Variants in EMC3 observed in about 807,000 individuals in gnomAD.
The protein encoded by EMC3 is 30 kDa protein.
EMC3 carries 13 observed loss-of-function variants against 36.6 expected under a neutral mutation model. The ratio of observed to expected loss-of-function variants is 0.35; its 90% CI spans 0.23 to 0.56. The LOEUF (loss-of-function observed/expected upper bound fraction) is 0.56. EMC3 is among the 20% of genes least tolerant of loss of function. The probability of loss-of-function intolerance (pLI) is 0.84; values close to 1 mark genes in which losing one functional copy is unlikely to be tolerated. For synonymous variants in EMC3, 120 were observed against 111.9 expected (o/e 1.07, Z -0.46); for missense variants, 220 against 324.5 (o/e 0.68, Z 2.47).
chr3:9,976,701 C>T (rs2085853602), intron 3 of EMC3, among the ~76,000 whole-genome samples: 1 of 152,146 alleles, frequency 6.6e-6, no homozygotes, highest in Non-Finnish European at 1.5e-5. Context: ...GGGACAATAG[C>T]TCTGGCCTCC....
intron 1 of EMC3, chr3:10,008,411 G>C: frequency 7.3e-7 from 1 of 1,367,626 alleles, no homozygotes; most frequent in Non-Finnish European, 9.8e-7. Context: ...TACCTGGGCC[G>C]GCATGCAGGC....
intron 5 of EMC3, 150 bp downstream of exon 5, chr3:9,973,478 G>C (rs1040132531): frequency 1.5e-6 from 1 of 654,098 alleles, no homozygotes; most frequent in African/African-American, 1.8e-5. Context: ...ACAGTCGTGA[G>C]CCACTGCGCC....
At chr3:9,980,528 G>A (rs1024911575) in intron 1 of EMC3, among the ~76,000 whole-genome samples, 4 of 150,560 alleles carry the variant, frequency 2.7e-5, no homozygotes, top group Non-Finnish European at 4.4e-5. Context: ...ATGACACCTG[G>A]CAAACTTTTG....
intron 1 of EMC3, among the ~76,000 whole-genome samples, chr3:9,992,152 G>A (rs986434464): frequency 6.6e-6 from 1 of 151,246 alleles, no homozygotes; most frequent in Non-Finnish European, 1.5e-5. Context: ...ACAGAGTCTC[G>A]CTGTGTCACC....
chr3:9,998,200 A>C (rs1559358273), intron 1 of EMC3, among the ~76,000 whole-genome samples: 1 of 151,642 alleles, frequency 6.6e-6, no homozygotes, highest in Non-Finnish European at 1.5e-5. Flanking sequence ...CCCCGTCTCT[A>C]CTAAAAATAC....
At chr3:9,986,398 C>T in intron 1 of EMC3, 109 bp downstream of exon 1, 12 of 1,310,052 alleles carry the variant, frequency 9.2e-6, no homozygotes, top group South Asian at 7.9e-5. Flanking sequence ...GTAAGGTCAC[C>T]CTGTCAGAGG....
intron 1 of EMC3, among the ~76,000 whole-genome samples, chr3:9,980,554 G>GTTTTTTTTTT (rs71052282): frequency 1.5e-5 from 2 of 130,916 alleles, no homozygotes; most frequent in Non-Finnish European, 1.6e-5. Flanking sequence ...TGTTTTTTTT[G>GTTTTTTTTTT]TTTTTTTTTT....
At chr3:9,965,574 G>C (rs564628387) in intron 7 of EMC3, among the ~76,000 whole-genome samples, 185 of 152,178 alleles carry the variant, frequency 1.2e-3, no homozygotes, top group African/African-American at 4.3e-3. Flanking sequence ...GTGATTTTTA[G>C]TATATTCATA....
At position 9,969,670 on chromosome 3, in the gene EMC3, T is replaced by A. The variant is rs780715549; in HGVS notation, c.657+49A>T. 9.9e-6 allele frequency: 16 copies of A among 1,613,796 alleles called. No individual in the cohort carries two copies. The East Asian group carries it at 3.3e-4, about 34-fold the overall frequency. ...AAGCTATTTTTAAAATAGCTCTTGG[T>A]AACACCTTTCAGAGCATTGCTGCAG... On this transcript the variant is annotated intron_variant, in intron 7 of 7. Transcript: ENST00000245046.
chr3:9,977,310 G>A, intron 2 of EMC3, 79 bp downstream of exon 2: 1 of 1,365,880 alleles, frequency 7.3e-7, no homozygotes, highest in Non-Finnish European at 1.0e-6. Context: ...GCTTTCCCCA[G>A]AGCCCCCTTA....
upstream of EMC3, chr3:9,988,053 G>T: frequency 1.5e-6 from 1 of 651,218 alleles, no homozygotes; most frequent in South Asian, 1.6e-5. Context: ...CACATAGGAT[G>T]TCACAGTTCT....
At chr3:9,969,902 A>G in intron 6 of EMC3, 101 bp from the exon 7 acceptor site, 3 of 1,506,620 alleles carry the variant, frequency 2.0e-6, no homozygotes, top group Non-Finnish European at 2.7e-6. Flanking sequence ...ACTGGACTAC[A>G]GCCTCACTGG....
chr3:9,980,626 G>C (rs1199115979), intron 1 of EMC3, among the ~76,000 whole-genome samples: 2 of 148,240 alleles, frequency 1.3e-5, no homozygotes, highest in African/African-American at 5.0e-5. Flanking sequence ...GGACTCTAGT[G>C]ATCCACTTGC....
intron 1 of EMC3, chr3:10,000,705 C>T (rs181778905): frequency 1.5e-4 from 73 of 473,264 alleles, no homozygotes; most frequent in Non-Finnish European, 2.5e-4. Flanking sequence ...TTCTTAATGC[C>T]GGCAAAGATC....
Position 9,970,616 on chromosome 3 carries a change from C to A in EMC3, c.540G>T (p.Arg180=). ...GGCCCAGAATCAGAGAGTAAATGCTCCGAAGCCCAAATACATTGAGGAAGT... is the reference window on the plus strand; with the variant it reads ...GGCCCAGAATCAGAGAGTAAATGCTACGAAGCCCAAATACATTGAGGAAGT... The part of the protein sequence containing the change: ...SWYFLNVFGL[R]SIYSLILGQD... The change falls in exon 6 of 8, where the codon CGG becomes CGT. Residue 180 remains arginine (R), a synonymous_variant. Coordinates refer to ENST00000245046, the MANE Select transcript of EMC3 (RefSeq NM_001394674.1). The A allele has an allele frequency of 6.2e-7, 1 of 1,614,128 alleles. No homozygotes were observed. Among genetic ancestry groups the A allele is most frequent in the East Asian group, 2.2e-5 (1 of 44,884 alleles).
At chr3:9,987,922 G>A (rs2085997380), upstream of EMC3, 1 of 1,028,398 alleles carries the variant, frequency 9.7e-7, no homozygotes, top group Non-Finnish European at 1.5e-6. Context: ...TCTGAGCTTC[G>A]GGAGAAGTTG....
At chr3:10,000,982 G>A (rs2124936833) in intron 1 of EMC3, 4 of 276,978 alleles carry the variant, frequency 1.4e-5, no homozygotes, top group South Asian at 1.4e-4. Flanking sequence ...GGGCCACGAA[G>A]GTTGCCACTC....
At chr3:9,975,144 C>T (rs920886302) in intron 3 of EMC3, among the ~76,000 whole-genome samples, 6 of 152,090 alleles carry the variant, frequency 3.9e-5, no homozygotes, top group Non-Finnish European at 8.8e-5. Flanking sequence ...GGATTACAGG[C>T]GTCAGCCACC....
chr3:9,994,904 A>G (rs1362107262), intron 1 of EMC3, among the ~76,000 whole-genome samples: 3 of 152,152 alleles, frequency 2.0e-5, no homozygotes, highest in South Asian at 2.1e-4. Flanking sequence ...ATCCAGAGAG[A>G]GAGGACTGTA....
Sources: gnomAD v4.1 joint callset for allele counts (sites outside exome capture counted in the v4.1 genomes callset) on GRCh38, gnomAD v4.1.1 for gene constraint, MANE v1.5 for transcripts, NCBI Gene and HGNC (gene_info 2026-07-23, HGNC 2026-07-21) for gene names.